The following CADPS variants were observed in gnomAD, a reference collection of about 807,000 sequenced individuals.
The protein encoded by CADPS is calcium dependent secretion activator, also known as calcium-dependent secretion activator 1.
Under a neutral mutation model 167.3 loss-of-function variants are expected in CADPS, and 57 were observed. The observed-to-expected ratio is 0.34, with a 90% CI of 0.28 to 0.42. The LOEUF (loss-of-function observed/expected upper bound fraction) is 0.42, where lower values mean the gene tolerates loss of function less well. Among genes scored for constraint, CADPS ranks in the 20% least tolerant of loss-of-function variants. The pLI is 1.00. For missense variants in CADPS, 1,414 were observed against 1,738.1 expected (o/e 0.81, Z 3.32); for synonymous variants, 676 against 635.3 (o/e 1.06, Z -0.96).
rs919196501 is a variant in CADPS, at chr3:62,514,710, C to A, written c.2581+1349G>T. ...AATAGCTAGACCAAGACCTATGAGGCAGCAGCCATGGCAACAGAACGTTTC... is the reference window on the plus strand; with the variant it reads ...AATAGCTAGACCAAGACCTATGAGGAAGCAGCCATGGCAACAGAACGTTTC... On this transcript the variant is annotated intron_variant, in intron 16 of 29. Transcript: ENST00000383710. This position sits in a 1 kb window ranked among gnomAD's most constrained non-coding sequence, Gnocchi z 4.2. Among the ~76,000 whole-genome samples, 8 of 152,106 alleles carry A rather than the reference C, an allele frequency of 5.3e-5. No individual in the cohort carries two copies. The highest frequency in any genetic ancestry group is 7.4e-5 in the Non-Finnish European group (5 of 67,976).
intron 28 of CADPS, among the ~76,000 whole-genome samples, chr3:62,430,180 T>C (rs1256857797): frequency 2.0e-5 from 3 of 152,184 alleles, no homozygotes; most frequent in Non-Finnish European, 1.5e-5. Context: ...GTATGCAGGA[T>C]TGCTGAAAGT....
intron 15 of CADPS, 81 bp downstream of exon 15, chr3:62,516,499 T>A: frequency 9.2e-7 from 1 of 1,090,198 alleles, no homozygotes; most frequent in South Asian, 1.5e-5. Context: ...TACAACTAGG[T>A]CATTCAACCA....
intron 22 of CADPS, among the ~76,000 whole-genome samples, chr3:62,480,410 G>T (rs2150802437): frequency 6.6e-6 from 1 of 152,164 alleles, no homozygotes; most frequent in South Asian, 2.1e-4. Context: ...TTCTTTTTTA[G>T]AAGCTTTTTT....
intron 3 of CADPS, among the ~76,000 whole-genome samples, chr3:62,694,468 T>G (rs1312776176): frequency 6.6e-6 from 1 of 152,052 alleles, no homozygotes; most frequent in Non-Finnish European, 1.5e-5. Context: ...GTCCTTAATA[T>G]GGCACCATAC....
chr3:62,592,598 C>A (rs2086301792), intron 7 of CADPS, 39 bp downstream of exon 7: 1 of 1,502,744 alleles, frequency 6.7e-7, no homozygotes, highest in Non-Finnish European at 9.3e-7. Flanking sequence ...CTGGGGAAAT[C>A]CTCTCTGTGG....
intron 21 of CADPS, among the ~76,000 whole-genome samples, chr3:62,490,120 G>T (rs1054906371): frequency 6.6e-6 from 1 of 152,032 alleles, no homozygotes; most frequent in African/African-American, 2.4e-5. Context: ...TTAGAGGAGG[G>T]TCTCAGTTCA....
intron 3 of CADPS, among the ~76,000 whole-genome samples, chr3:62,705,845 A>C (rs13088536): frequency 0.079 from 12,078 of 152,200 alleles, 625 homozygotes; most frequent in Non-Finnish European, 0.12. Context: ...TCTAGAGAAC[A>C]CTGACTAATA....
At chr3:62,609,933 C>T (rs1323511183) in intron 6 of CADPS, among the ~76,000 whole-genome samples, 1 of 151,760 alleles carries the variant, frequency 6.6e-6, no homozygotes, top group African/African-American at 2.4e-5. Context: ...ACAAAAAATA[C>T]TAAAAATTAG....
chr3:62,851,504 T>A (rs1450890369), intron 1 of CADPS, among the ~76,000 whole-genome samples: 1 of 149,780 alleles, frequency 6.7e-6, no homozygotes, highest in Non-Finnish European at 1.5e-5. Flanking sequence ...TGCTTGTCTG[T>A]AAAGTATTTT....
At chr3:62,643,011 A>G (rs1254148283) in intron 6 of CADPS, among the ~76,000 whole-genome samples, 1 of 152,196 alleles carries the variant, frequency 6.6e-6, no homozygotes, top group Non-Finnish European at 1.5e-5. Context: ...GTAGAGAAAA[A>G]CTACTAGAAG....
intron 1 of CADPS, among the ~76,000 whole-genome samples, chr3:62,775,223 T>A (rs2089989889): frequency 6.7e-6 from 1 of 148,306 alleles, no homozygotes; most frequent in South Asian, 2.1e-4. Flanking sequence ...TTTTTGTATT[T>A]TTTTTTTTTA....
At chr3:62,633,413 C>CCCAAGCCT (rs1469052782) in intron 6 of CADPS, among the ~76,000 whole-genome samples, 5 of 152,268 alleles carry the variant, frequency 3.3e-5, no homozygotes, top group African/African-American at 1.2e-4. Context: ...GGACATAAAA[C>CCCAAGCCT]CCAAGCCTCC....
intron 1 of CADPS, among the ~76,000 whole-genome samples, chr3:62,835,525 C>A (rs555802113): frequency 2.6e-5 from 4 of 152,090 alleles, no homozygotes; most frequent in Non-Finnish European, 4.4e-5. Flanking sequence ...AAACATGGGG[C>A]CTTGTAAATT....
intron 2 of CADPS, among the ~76,000 whole-genome samples, chr3:62,755,431 G>A (rs921374528): frequency 1.3e-5 from 2 of 152,206 alleles, no homozygotes; most frequent in African/African-American, 4.8e-5. Flanking sequence ...TGACACGTTT[G>A]AGCTGCGTCC....
rs562105597 is a variant in CADPS, at chr3:62,781,863, A to T, written c.442-15879T>A. Among the ~76,000 whole-genome samples the T allele has an allele frequency of 1.5e-4, 23 of 152,244 alleles. 1 individual carries two copies. The highest frequency in any genetic ancestry group is 8.3e-4 in the South Asian group (4 of 4,826). ...GAAAAAATAAAAATAAAAATAAAGGACCACAGCAGGCCTTACAGCCTTCGC... is the reference window on the plus strand; with the variant it reads ...GAAAAAATAAAAATAAAAATAAAGGTCCACAGCAGGCCTTACAGCCTTCGC... On this transcript the variant is annotated intron_variant, in intron 1 of 29. Coordinates refer to ENST00000383710, the MANE Select transcript of CADPS (RefSeq NM_003716.4).
At chr3:62,845,866 A>T (rs1053501904) in intron 1 of CADPS, among the ~76,000 whole-genome samples, 2 of 152,220 alleles carry the variant, frequency 1.3e-5, no homozygotes, top group Non-Finnish European at 2.9e-5. Context: ...AGTTATATCT[A>T]GATGAGTGAT....
At chr3:62,509,768 T>C (rs2067386451) in intron 17 of CADPS, among the ~76,000 whole-genome samples, 1 of 152,172 alleles carries the variant, frequency 6.6e-6, no homozygotes, top group South Asian at 2.1e-4. Flanking sequence ...GTAGTCTTCC[T>C]ATGTAAAAAG....
chr3:62,726,984 C>A (rs2152072019), intron 3 of CADPS, among the ~76,000 whole-genome samples: 1 of 151,936 alleles, frequency 6.6e-6, no homozygotes, highest in Admixed American at 6.5e-5. Flanking sequence ...GAAGTGAAAA[C>A]AGGAAGCACC....
chr3:62,659,893 A>T (rs2072742596), intron 4 of CADPS, among the ~76,000 whole-genome samples: 1 of 152,224 alleles, frequency 6.6e-6, no homozygotes, highest in South Asian at 2.1e-4. Flanking sequence ...TATCTCATAG[A>T]AACCCTCAAT....
Sources: allele counts gnomAD v4.1 joint callset (sites outside exome capture counted in the v4.1 genomes callset), GRCh38; gene constraint gnomAD v4.1.1; non-coding constraint Gnocchi (gnomAD v3.1); transcripts MANE v1.5; gene names NCBI Gene and HGNC (gene_info 2026-07-23, HGNC 2026-07-21).